Variants in QKI observed in about 807,000 individuals in gnomAD.
QKI encodes the protein QKI, KH domain containing RNA binding.
Under a neutral mutation model 39.0 loss-of-function variants are expected in QKI, and 10 were observed. The observed-to-expected ratio is 0.26, with a 90% CI of 0.16 to 0.43. The LOEUF (loss-of-function observed/expected upper bound fraction) is 0.43, where lower values mean the gene tolerates loss of function less well. Ranked by LOEUF, QKI falls within the 20% of genes least tolerant of loss-of-function variation. The pLI is 1.00. For missense variants in QKI, 218 were observed against 428.0 expected, an observed-to-expected ratio of 0.51 and a Z score of 4.33; for synonymous variants, 204 against 155.4, an observed-to-expected ratio of 1.31 and a Z score of -2.33.
chr6:163,434,851 C>T (rs1789121135), intron 1 of QKI, among the ~76,000 whole-genome samples: 2 of 151,846 alleles, frequency 1.3e-5, no homozygotes, highest in Admixed American at 1.3e-4. Flanking sequence ...TACTTCTTTC[C>T]TGACTTTTTC....
rs117914133 is a variant in QKI at position 163,424,952 on chromosome 6, A to G, written c.142+9617A>G. Among the ~76,000 whole-genome samples the G allele has an allele frequency of 6.6e-5, 10 of 152,254 alleles. No individual in the cohort carries two copies. The East Asian group carries it at 1.9e-3, about 29-fold the overall frequency. ...GGCCTGCGTCATCTGCTTTCTATCA[A>G]CATTTTAAAATCGCTTATGATAGGA... On this transcript the variant is annotated intron_variant, in intron 1 of 7. Coordinates refer to ENST00000361752, the MANE Select transcript of QKI (RefSeq NM_006775.3).
In QKI at chr6:163,575,844, G is replaced by A. The variant is rs1783949075; in HGVS notation, c.*5134G>A. The A allele has an allele frequency of 6.6e-6, 1 of 152,128 alleles. No homozygotes were observed. The highest frequency in any genetic ancestry group is 1.5e-5 in the Non-Finnish European group (1 of 68,018). The allele number at this position is 152,128 out of a possible 1,614,324, so 9.4% of individuals were successfully genotyped here. On this transcript the variant is annotated 3_prime_UTR_variant, in exon 8 of 8. Transcript: ENST00000361752. ...TGTCATAACACTTTCACGTGTGACA[G>A]CCTAAGGTTTCTTTAGTTTTAGGAT...
intron 3 of QKI, among the ~76,000 whole-genome samples, chr6:163,517,295 G>C (rs1225783841): frequency 6.6e-6 from 1 of 152,120 alleles, no homozygotes; most frequent in Non-Finnish European, 1.5e-5. Flanking sequence ...ACTTCTAATG[G>C]AATATGTCAG....
intron 3 of QKI, among the ~76,000 whole-genome samples, chr6:163,503,730 G>A (rs1422471704): frequency 6.6e-6 from 1 of 151,736 alleles, no homozygotes; most frequent in African/African-American, 2.4e-5. Flanking sequence ...AATCTGTTTT[G>A]AGGTTTTTTT....
chr6:163,463,300 T>G (rs1203113172), intron 2 of QKI, among the ~76,000 whole-genome samples: 1 of 152,190 alleles, frequency 6.6e-6, no homozygotes. Context: ...TTTGGGCTAC[T>G]GATGTAACCT....
chr6:163,545,017 A>C (rs536004645), intron 4 of QKI, among the ~76,000 whole-genome samples: 1 of 152,234 alleles, frequency 6.6e-6, no homozygotes, highest in African/African-American at 2.4e-5. Flanking sequence ...TAATGTCCTA[A>C]AATCTCATTT....
intron 4 of QKI, among the ~76,000 whole-genome samples, chr6:163,552,783 C>T (rs1323630758): frequency 6.6e-6 from 1 of 152,188 alleles, no homozygotes; most frequent in African/African-American, 2.4e-5. Context: ...CCTGTGCAAA[C>T]TCCCATCATA....
chr6:163,510,262 G>T (rs977879445), intron 3 of QKI, among the ~76,000 whole-genome samples: 8 of 117,494 alleles, frequency 6.8e-5, no homozygotes, highest in African/African-American at 1.6e-4. Context: ...ATAATAATAA[G>T]TAAACTAAAA....
intron 3 of QKI, among the ~76,000 whole-genome samples, chr6:163,510,251 AATAAT>A (rs1474939710): frequency 4.1e-5 from 6 of 144,744 alleles, no homozygotes; most frequent in African/African-American, 1.5e-4. Flanking sequence ...TAATAATAAT[AATAAT>A]AATAAGTAAA....
chr6:163,502,156 C>T (rs1405536061), intron 3 of QKI, among the ~76,000 whole-genome samples: 1 of 151,966 alleles, frequency 6.6e-6, no homozygotes, highest in African/African-American at 2.4e-5. Context: ...AACCCCATCT[C>T]TACAAAAAAT....
chr6:163,467,153 TCACA>T (rs763811466), intron 2 of QKI, among the ~76,000 whole-genome samples: 75 of 150,234 alleles, frequency 5.0e-4, no homozygotes, highest in East Asian at 1.2e-3. Context: ...GTGCTTAACA[TCACA>T]CACACACACA....
intron 3 of QKI, among the ~76,000 whole-genome samples, chr6:163,491,058 A>G (rs1778020645): frequency 6.6e-6 from 1 of 152,148 alleles, no homozygotes; most frequent in African/African-American, 2.4e-5. Context: ...GTCATGTGAT[A>G]TGGTGTTGAA....
At chr6:163,560,359 T>C (rs1474595737) in intron 4 of QKI, among the ~76,000 whole-genome samples, 2 of 152,198 alleles carry the variant, frequency 1.3e-5, no homozygotes, top group Non-Finnish European at 2.9e-5. Flanking sequence ...AGTGGCATTA[T>C]TTGAGGACCT....
intron 7 of QKI, chr6:163,567,336 A>C: frequency 2.0e-6 from 2 of 985,622 alleles, no homozygotes; most frequent in Non-Finnish European, 2.4e-6. Flanking sequence ...CAACAAAGTG[A>C]GGACTGTGAA....
At chr6:163,555,853 A>T (rs1384407222) in intron 4 of QKI, among the ~76,000 whole-genome samples, 3 of 152,144 alleles carry the variant, frequency 2.0e-5, no homozygotes, top group Non-Finnish European at 4.4e-5. Flanking sequence ...AAGTATATAG[A>T]TCTAAAAATA....
At chr6:163,470,914 TGTA>T (rs1313607980) in intron 2 of QKI, among the ~76,000 whole-genome samples, 5 of 152,004 alleles carry the variant, frequency 3.3e-5, no homozygotes, top group Middle Eastern at 3.2e-3. Context: ...TATATGTAGT[TGTA>T]GTATTAGAAG....
intron 3 of QKI, among the ~76,000 whole-genome samples, chr6:163,489,333 G>A (rs185381291): frequency 3.3e-5 from 5 of 152,112 alleles, no homozygotes; most frequent in African/African-American, 7.2e-5. Flanking sequence ...AGCAGTGTAT[G>A]AGAGTAGCAG....
chr6:163,510,775 T>C (rs1395912705), intron 3 of QKI, among the ~76,000 whole-genome samples: 3 of 152,184 alleles, frequency 2.0e-5, no homozygotes, highest in African/African-American at 7.2e-5. Context: ...CATAAGTGTA[T>C]ATTTATTTAA....
At chr6:163,526,209 G>A (rs1780506867) in intron 3 of QKI, among the ~76,000 whole-genome samples, 1 of 152,190 alleles carries the variant, frequency 6.6e-6, no homozygotes, top group African/African-American at 2.4e-5. Context: ...ATTGAAAGAT[G>A]ATTATTGAAA....
Sources: gnomAD v4.1 joint callset for allele counts (sites outside exome capture counted in the v4.1 genomes callset) on GRCh38, gnomAD v4.1.1 for gene constraint, MANE v1.5 for transcripts, NCBI Gene and HGNC (gene_info 2026-07-23, HGNC 2026-07-21) for gene names.